FASTK: variants seen among roughly 807,000 people sequenced by gnomAD.
The protein encoded by FASTK is Fas activated serine/threonine kinase.
Under a neutral mutation model 60.0 loss-of-function variants are expected in FASTK, and 28 were observed. That is an observed-to-expected ratio of 0.47 (90% CI 0.35 to 0.64). The LOEUF (loss-of-function observed/expected upper bound fraction) is 0.64, where lower values mean the gene tolerates loss of function less well. FASTK is among the 30% of genes least tolerant of loss of function. The pLI is 0.01. For synonymous variants in FASTK, 325 were observed against 307.9 expected (o/e 1.06, Z -0.58); for missense variants, 595 against 713.8 (o/e 0.83, Z 1.90).
In FASTK at chr7:151,077,143, C is replaced by T. The variant is rs201888609; in HGVS notation, c.1385G>A (p.Gly462Asp). 29 of 1,612,722 alleles carry T rather than the reference C, an allele frequency of 1.8e-5. No homozygotes were observed. The highest frequency in any genetic ancestry group is 2.4e-5 in the Non-Finnish European group (28 of 1,179,434). ...AGTAGTGGCGCTAGAGGCAGCCTGG[C>T]CCTGTGGGCAGGACCTTGGTGGGTA... ...LPYPPRSCPQ[G>D]QAASSATTRD... Residue 462 changes from glycine to aspartate, a missense_variant, in exon 8 of 10, where the codon GGC becomes GAC. Around this residue, in one of 2 missense-constraint regions of FASTK, gnomAD observed 471 missense variants for 605.9 expected, o/e 0.78. Transcript: ENST00000297532.
intron 2 of FASTK, 50 bp from the exon 3 acceptor site, chr7:151,079,071 T>TA (rs1797835423): frequency 3.6e-6 from 5 of 1,394,462 alleles, no homozygotes; most frequent in Non-Finnish European, 4.7e-6. Context: ...GTGCTGCTGT[T>TA]CTTATCATGG....
intron 2 of FASTK, 28 bp from the exon 3 acceptor site, chr7:151,079,049 G>A: frequency 2.1e-6 from 3 of 1,433,702 alleles, no homozygotes; most frequent in South Asian, 3.1e-5. Flanking sequence ...AAGGCAGCCT[G>A]GTAACAGAGC....
rs1321017795 is a variant in FASTK at position 151,078,629 on chromosome 7, C to G, written c.758G>C (p.Arg253Pro). 6.2e-7 allele frequency: 1 copy of G among 1,613,366 alleles called. No individual in the cohort carries two copies. Among genetic ancestry groups the G allele is most frequent in the Non-Finnish European group, 8.5e-7 (1 of 1,180,000 alleles). ...LAQHLARHRLREPQLLEAIAH... is the reference protein window; with the variant it reads ...LAQHLARHRLPEPQLLEAIAH... ...AATGGCTTCCAGAAGCTGGGGCTCC[C>G]GCAACCGGTGCCGGGCCAGGTGCTG... Residue 253 changes from arginine (R) to proline (P), a missense_variant, in exon 4 of 10, where the codon CGG becomes CCG. Coordinates refer to ENST00000297532, the MANE Select transcript of FASTK (RefSeq NM_006712.5).
In FASTK at chr7:151,077,353, C is replaced by T; in HGVS notation, c.1248G>A (p.Glu416=). Reference sequence around the variant, plus strand: ...GCACAGTCAGGTCCTGGCGGTATTTCTCCTCCCCCAGCAGCTGGCGCAACC... The same window carrying T: ...GCACAGTCAGGTCCTGGCGGTATTTTTCCTCCCCCAGCAGCTGGCGCAACC... ...AEGLRQLLGE[E]KYRQDLTVPP... is the part of the protein sequence containing the mutation. Residue 416 remains glutamate (E), a synonymous_variant, in exon 7 of 10, where the codon GAG becomes GAA. Coordinates refer to ENST00000297532, the MANE Select transcript of FASTK (RefSeq NM_006712.5). 6.2e-7 allele frequency: 1 copy of T among 1,613,048 alleles called. No homozygotes were observed. The highest frequency in any genetic ancestry group is 8.5e-7 in the Non-Finnish European group (1 of 1,180,004).
At chr7:151,077,821 C>G (rs756107321) in intron 5 of FASTK, 41 bp from the exon 6 acceptor site, 1 of 1,593,460 alleles carries the variant, frequency 6.3e-7, no homozygotes, top group East Asian at 2.3e-5. Flanking sequence ...CTGCAGGCCA[C>G]CCTGCTCCCC....
intron 1 of FASTK, 63 bp downstream of exon 1, chr7:151,080,622 C>A: frequency 7.3e-7 from 1 of 1,379,304 alleles, no homozygotes; most frequent in Non-Finnish European, 9.3e-7. Context: ...AGACCGTGGC[C>A]GCTGCCGCTA....
intron 1 of FASTK, 183 bp downstream of exon 1, chr7:151,080,502 C>T: frequency 7.8e-7 from 1 of 1,288,056 alleles, no homozygotes; most frequent in Admixed American, 4.2e-5. Flanking sequence ...AATGAAAACG[C>T]AGCGCCCACC....
Position 151,077,772 on chromosome 7 carries a change from G to A in FASTK, c.1048C>T (p.His350Tyr), listed in dbSNP as rs760915372. The A allele has an allele frequency of 3.1e-5, 49 of 1,596,836 alleles. No homozygotes were observed. In the East Asian group the frequency reaches 8.8e-4, roughly 29 times the overall value. Residue 350 changes from histidine to tyrosine, a missense_variant, in exon 6 of 10, where the codon CAT becomes TAT. By Grantham distance (83) the His-to-Tyr change is moderately conservative. Transcript: ENST00000297532. ...GFINYISGTP[H>Y]ALIVRRYLSL... ...AGGTAGCGACGCACAATCAGAGCATGAGGGGTGCCTGTGGGGAGGCGGGGA... is the reference window on the plus strand; with the variant it reads ...AGGTAGCGACGCACAATCAGAGCATAAGGGGTGCCTGTGGGGAGGCGGGGA...
chr7:151,078,121 G>A, intron 4 of FASTK, 29 bp from the exon 5 acceptor site: 7 of 1,501,610 alleles, frequency 4.7e-6, no homozygotes, highest in Non-Finnish European at 6.4e-6. Context: ...TCATTACCCA[G>A]TGTCAAGTAT....
intron 1 of FASTK, chr7:151,080,138 A>G: frequency 1.8e-6 from 1 of 559,126 alleles, no homozygotes; most frequent in Non-Finnish European, 3.2e-6. Context: ...CACTACTTGC[A>G]AAGCAATTCC....
In FASTK at chr7:151,077,250, G is replaced by A. The variant is rs1415496226; in HGVS notation, c.1292-14C>T. 1.9e-6 allele frequency: 3 copies of A among 1,612,242 alleles called. No homozygotes were observed. In the South Asian group the frequency reaches 3.3e-5, roughly 18 times the overall value. On this transcript the variant is annotated splice_polypyrimidine_tract_variant and intron_variant, in intron 7 of 9. Transcript: ENST00000297532. ...ACAGCAGGAAGTCTGGAGGGGAGCAGGGCCGGCGGCCTTAGCCAGGGCTCC... is the reference window on the plus strand; with the variant it reads ...ACAGCAGGAAGTCTGGAGGGGAGCAAGGCCGGCGGCCTTAGCCAGGGCTCC...
rs1428923491 is a variant in FASTK, at chr7:151,080,444, G to T, written c.82+241C>A. 3.2e-6 allele frequency: 4 copies of T among 1,239,028 alleles called. No individual in the cohort carries two copies. The East Asian group carries it at 1.3e-4, about 40-fold the overall frequency. 76.8% of individuals were successfully genotyped at this position (1,239,028 alleles called of 1,614,324 possible). On this transcript the variant is annotated intron_variant, in intron 1 of 9. Transcript: ENST00000297532. ...CTGGGCGCTCCCACTCACCAGCGGC[G>T]TGACCTTGGACAAGTGGCTTCGTCT...
Position 151,077,114 on chromosome 7 carries a change from C to A in FASTK, c.1414G>T (p.Asp472Tyr). 1 of 1,610,900 alleles carries A rather than the reference C, an allele frequency of 6.2e-7. No homozygotes were observed. Among genetic ancestry groups the A allele is most frequent in the Non-Finnish European group, 8.5e-7 (1 of 1,178,184 alleles). Residue 472 changes from aspartate (D) to tyrosine (Y), a missense_variant, in exon 8 of 10, where the codon GAC becomes TAC. By Grantham distance (160) the Asp-to-Tyr change is radical. Around this residue, in one of 2 missense-constraint regions of FASTK, gnomAD observed 471 missense variants for 605.9 expected, o/e 0.78. Transcript: ENST00000297532. Reference sequence around the variant, plus strand: ...TGCCTCCTTTACCTCTGGGCAGGGTCTCGAGTAGTGGCGCTAGAGGCAGCC... The same window carrying A: ...TGCCTCCTTTACCTCTGGGCAGGGTATCGAGTAGTGGCGCTAGAGGCAGCC... ...GQAASSATTR[D>Y]PAQRVVLVLR...
Position 151,078,674 on chromosome 7 carries a change from T to G in FASTK, c.713A>C (p.His238Pro). ...GTGCTGGGCCAGGAGCACCATCACG[T>G]GGGGAGTCAGTTCCTCTGGCCTTGC... The part of the protein sequence containing the change: ...AEARPEELTP[H>P]VMVLLAQHLA... The change falls in exon 4 of 10, where the codon CAC becomes CCC. Residue 238 changes from histidine to proline, a missense_variant. His to Pro is a moderately conservative substitution (Grantham distance 77, BLOSUM62 -2). This residue lies in a region of FASTK where 471 missense variants were observed against 605.9 expected (regional missense o/e 0.78). Coordinates refer to ENST00000297532, the MANE Select transcript of FASTK (RefSeq NM_006712.5). 1 of 1,613,102 alleles carries G rather than the reference T, an allele frequency of 6.2e-7. No individual in the cohort carries two copies. Among genetic ancestry groups the G allele is most frequent in the Non-Finnish European group, 8.5e-7 (1 of 1,179,964 alleles).
In FASTK at chr7:151,079,888, C is replaced by T; in HGVS notation, c.117G>A (p.Leu39=). The change falls in exon 2 of 10, where the codon CTG becomes CTA. Residue 39 remains leucine, a synonymous_variant. Transcript: ENST00000297532. ...GAGCAGGGGAGGTCTGAGCAGAGAG[C>T]AGGACTCGAAGCATGGAGTTGGGTG... ...SPSPNSMLRV[L]LSAQTSPARL... is the part of the protein sequence containing the mutation. 6.3e-7 allele frequency: 1 copy of T among 1,598,744 alleles called. No individual in the cohort carries two copies. Among genetic ancestry groups the T allele is most frequent in the Non-Finnish European group, 8.5e-7 (1 of 1,170,354 alleles).
chr7:151,079,490 C>T lies in FASTK; in HGVS notation c.505+10G>A, dbSNP rs979889999. 1 of 1,577,098 alleles carries T rather than the reference C, an allele frequency of 6.3e-7. No individual in the cohort carries two copies. The highest frequency in any genetic ancestry group is 1.4e-5 in the African/African-American group (1 of 73,974). On this transcript the variant is annotated intron_variant, in intron 2 of 9. Coordinates refer to ENST00000297532, the MANE Select transcript of FASTK (RefSeq NM_006712.5). The stretch of plus-strand genomic sequence containing the variant: ...AGCCCCCCAGGCGCCCACCTCAAGC[C>T]CCTCCTCACCAAGTAAGACTGCAAG...
chr7:151,077,633 C>T lies in FASTK; in HGVS notation c.1187G>A (p.Arg396His), dbSNP rs771666266. Residue 396 changes from arginine to histidine, a missense_variant, in exon 6 of 10, where the codon CGC (arginine) becomes CAC (histidine). Physicochemically the swap from Arg to His is conservative, Grantham distance 29. Coordinates refer to ENST00000297532, the MANE Select transcript of FASTK (RefSeq NM_006712.5). ...FPQPLITDRA[R>H]CKYSHKDIVA... ...CTGCCCCATCCACCTGTACTTGCAG[C>T]GGGCACGGTCGGTGATGAGAGGCTG... 3.2e-6 allele frequency: 5 copies of T among 1,545,986 alleles called. No individual in the cohort carries two copies. The highest frequency in any genetic ancestry group is 1.2e-5 in the South Asian group (1 of 80,544).
Position 151,076,711 on chromosome 7 carries a change from C to T in FASTK, c.*14G>A, listed in dbSNP as rs745538007. ...CCCCCATGGGGGGGCCATCCTGAACCCCACATCAACCCCTCAGCCCCCTTC... is the reference window on the plus strand; with the variant it reads ...CCCCCATGGGGGGGCCATCCTGAACTCCACATCAACCCCTCAGCCCCCTTC... On this transcript the variant is annotated 3_prime_UTR_variant, in exon 10 of 10. Transcript: ENST00000297532. The T allele has an allele frequency of 1.3e-6, 2 of 1,522,990 alleles. No individual in the cohort carries two copies. The highest frequency in any genetic ancestry group is 2.1e-5 in the Admixed American group (1 of 47,500). The allele number at this position is 1,522,990 out of a possible 1,614,324, so 94.3% of individuals were successfully genotyped here.
At chr7:151,080,215 T>C (rs895460182) in intron 1 of FASTK, 1 of 408,806 alleles carries the variant, frequency 2.4e-6, no homozygotes, top group Non-Finnish European at 4.4e-6. Context: ...TTACCTCATT[T>C]CACCGGTGGA....
Sources: allele counts gnomAD v4.1 joint callset, GRCh38; gene constraint gnomAD v4.1.1; regional missense constraint gnomAD v4.1.1; transcripts MANE v1.5; gene names NCBI Gene and HGNC (gene_info 2026-07-23, HGNC 2026-07-21).